Variants in AKAP6 observed in about 807,000 individuals in gnomAD.
The protein encoded by AKAP6 is A-kinase anchoring protein 6, also known as A-kinase anchor protein 6.
AKAP6 carries 58 observed loss-of-function variants against 188.5 expected under a neutral mutation model. The observed-to-expected ratio is 0.31, with a 90% CI of 0.25 to 0.38. AKAP6 has a LOEUF of 0.38. Among genes scored for constraint, AKAP6 ranks in the 10% least tolerant of loss-of-function variants. The pLI is 1.00. For missense variants in AKAP6, 2,710 were observed against 2,740.0 expected, an observed-to-expected ratio of 0.99 and a Z score of 0.24; for synonymous variants, 989 against 998.6, an observed-to-expected ratio of 0.99 and a Z score of 0.18.
intron 7 of AKAP6, among the ~76,000 whole-genome samples, chr14:32,660,181 G>A (rs946185514): frequency 2.0e-5 from 3 of 152,042 alleles, no homozygotes; most frequent in Non-Finnish European, 4.4e-5. Flanking sequence ...ATGTCACACC[G>A]GTTTAACATT....
Position 32,482,207 on chromosome 14 carries a change from G to A in AKAP6, c.324+48390G>A, listed in dbSNP as rs1372081731. Among the ~76,000 whole-genome samples, 9 of 152,270 alleles carry A rather than the reference G, an allele frequency of 5.9e-5. No individual in the cohort carries two copies. The East Asian group carries it at 1.5e-3, about 26-fold the overall frequency. ...AAGACAACCTGTGACATTATCTGGT[G>A]GTGTCCTATCTGAGAATAAAAGCCT... On this transcript the variant is annotated intron_variant, in intron 2 of 13. Coordinates refer to ENST00000280979, the MANE Select transcript of AKAP6 (RefSeq NM_004274.5).
Position 32,835,154 on chromosome 14 carries a change from A to T in AKAP6, c.*5349A>T, listed in dbSNP as rs912735582. ...TAAAACATTTACTATCTGGATCATTACAGAAAGTTTTCTGATCCCTGGTCT... is the reference window on the plus strand; with the variant it reads ...TAAAACATTTACTATCTGGATCATTTCAGAAAGTTTTCTGATCCCTGGTCT... On this transcript the variant is annotated 3_prime_UTR_variant, in exon 14 of 14. Transcript: ENST00000280979. The T allele has an allele frequency of 1.3e-5, 2 of 152,222 alleles. No individual in the cohort carries two copies. Among genetic ancestry groups the T allele is most frequent in the African/African-American group, 2.4e-5 (1 of 41,462 alleles). 9.4% of individuals were successfully genotyped at this position (152,222 alleles called of 1,614,324 possible).
chr14:32,458,553 GAAC>G (rs1891219548), intron 2 of AKAP6, among the ~76,000 whole-genome samples: 1 of 152,070 alleles, frequency 6.6e-6, no homozygotes, highest in African/African-American at 2.4e-5. Flanking sequence ...TGAAGAAAAT[GAAC>G]AACATAAAGA....
rs1482155728 is a variant in AKAP6 at position 32,462,919 on chromosome 14, A to AG, written c.324+29102_324+29103insG. 2.5e-3 allele frequency among the ~76,000 whole-genome samples: 335 copies of AG among 135,008 alleles called. 7 individuals are homozygous for AG. The East Asian group carries it at 0.053, about 21-fold the overall frequency. The allele number at this position is 135,008 out of a possible 152,430, so 88.6% of individuals were successfully genotyped here. ...TGGAAAGCAAAAAAAAAAAAAAAAAAAAAAAAACCCGGGGTTGCAATCCTA... is the reference window on the plus strand; with the variant it reads ...TGGAAAGCAAAAAAAAAAAAAAAAAAGAAAAAAACCCGGGGTTGCAATCCTA... On this transcript the variant is annotated intron_variant, in intron 2 of 13. Transcript: ENST00000280979.
At chr14:32,627,460 T>C (rs1417569712) in intron 7 of AKAP6, among the ~76,000 whole-genome samples, 1 of 152,092 alleles carries the variant, frequency 6.6e-6, no homozygotes, top group Non-Finnish European at 1.5e-5. Flanking sequence ...CTCAGCCCAC[T>C]CTTCATTAAG....
At chr14:32,778,598 A>G (rs2143981) in intron 12 of AKAP6, among the ~76,000 whole-genome samples, 55,462 of 151,940 alleles carry the variant, frequency 0.37, 10,597 homozygotes, top group South Asian at 0.41. Context: ...TCAGGCTACA[A>G]TGCTATGGCA....
At chr14:32,816,477 C>G (rs941589563) in intron 12 of AKAP6, among the ~76,000 whole-genome samples, 2 of 152,102 alleles carry the variant, frequency 1.3e-5, no homozygotes, top group Non-Finnish European at 1.5e-5. Context: ...ATTACAAGCA[C>G]GAGCCACTGT....
At position 32,620,109 on chromosome 14, in the gene AKAP6, A is replaced by G. The variant is rs542724758; in HGVS notation, c.2730+19317A>G. Among the ~76,000 whole-genome samples, 13 of 152,154 alleles carry G rather than the reference A, an allele frequency of 8.5e-5. No homozygotes were observed. In the South Asian group the frequency reaches 2.7e-3, roughly 32 times the overall value. On this transcript the variant is annotated intron_variant, in intron 7 of 13. Transcript: ENST00000280979. ...GATTCTTTATGATCAAAACGTTGGC[A>G]AACTGAGATAGTTTAACTCATATTT... is the stretch of plus-strand genomic sequence containing the variant.
intron 7 of AKAP6, among the ~76,000 whole-genome samples, chr14:32,622,752 C>T (rs978764591): frequency 3.9e-5 from 6 of 151,966 alleles, no homozygotes; most frequent in Non-Finnish European, 8.8e-5. Flanking sequence ...GCTGTGGCCA[C>T]GAGCTGGGCT....
intron 1 of AKAP6, among the ~76,000 whole-genome samples, chr14:32,354,434 C>G (rs1441921667): frequency 6.6e-6 from 1 of 151,330 alleles, no homozygotes; most frequent in African/African-American, 2.4e-5. Flanking sequence ...ACTACCTAAA[C>G]TGGCAGTACT....
chr14:32,475,705 G>A (rs1319168519), intron 2 of AKAP6, among the ~76,000 whole-genome samples: 2 of 141,322 alleles, frequency 1.4e-5, no homozygotes, highest in Admixed American at 7.3e-5. Context: ...TTGAGACGGA[G>A]TCTCGCTGTG....
chr14:32,413,191 T>C lies in AKAP6; in HGVS notation c.-34-20269T>C, dbSNP rs1889547161. 1.3e-5 allele frequency among the ~76,000 whole-genome samples: 2 copies of C among 149,240 alleles called. 1 individual carries two copies. The highest frequency in any genetic ancestry group is 3.0e-5 in the Non-Finnish European group (2 of 67,012). On this transcript the variant is annotated intron_variant, in intron 1 of 13. Coordinates refer to ENST00000280979, the MANE Select transcript of AKAP6 (RefSeq NM_004274.5). ...TTTATTGAAATTTTTTTTTTTTTTT[T>C]TTTTTTTTTAGATGGGGTCTTGCTT...
chr14:32,447,996 T>A (rs778763392), intron 2 of AKAP6, among the ~76,000 whole-genome samples: 1 of 152,246 alleles, frequency 6.6e-6, no homozygotes, highest in Non-Finnish European at 1.5e-5. Flanking sequence ...GACATTTTGA[T>A]TAATGATGCC....
At chr14:32,483,521 T>G (rs756326036) in intron 2 of AKAP6, among the ~76,000 whole-genome samples, 7 of 152,130 alleles carry the variant, frequency 4.6e-5, no homozygotes, top group Non-Finnish European at 1.0e-4. Context: ...TTTCGCTCTT[T>G]TTGCCCAGGC....
rs907988780 is a variant in AKAP6, at chr14:32,545,538, T to G, written c.885T>G (p.Ser295=). The G allele has an allele frequency of 6.2e-7, 1 of 1,614,074 alleles. No individual in the cohort carries two copies. Among genetic ancestry groups the G allele is most frequent in the Non-Finnish European group, 8.5e-7 (1 of 1,180,032 alleles). ...NGSEAVTEEV[S]QVSLSVDDKG... ...GTGAAGCAGTTACTGAGGAGGTATC[T>G]CAAGTATCTCTCTCAGTAGACGACA... The change falls in exon 4 of 14, where the codon TCT becomes TCG. Residue 295 remains serine, a synonymous_variant. Transcript: ENST00000280979.
At chr14:32,808,170 A>G (rs1379691288) in intron 12 of AKAP6, among the ~76,000 whole-genome samples, 1 of 152,182 alleles carries the variant, frequency 6.6e-6, no homozygotes, top group Admixed American at 6.5e-5. Flanking sequence ...AGTTAACAGC[A>G]ATAATTATCC....
At chr14:32,676,146 G>A (rs10133257) in intron 7 of AKAP6, among the ~76,000 whole-genome samples, 39,110 of 152,000 alleles carry the variant, frequency 0.26, 6,523 homozygotes, top group East Asian at 0.58. Context: ...CTTAGTGTGG[G>A]TATAATACTC....
At chr14:32,801,581 A>G (rs920537214) in intron 12 of AKAP6, among the ~76,000 whole-genome samples, 3 of 152,072 alleles carry the variant, frequency 2.0e-5, no homozygotes, top group Admixed American at 2.0e-4. Flanking sequence ...ATTTTACCTT[A>G]TTTATTTCTT....
chr14:32,658,216 G>A (rs763025043), intron 7 of AKAP6, among the ~76,000 whole-genome samples: 4 of 152,052 alleles, frequency 2.6e-5, no homozygotes, highest in Non-Finnish European at 5.9e-5. Flanking sequence ...GACAGTCTAT[G>A]GGGATTTTTC....
Sources: allele counts gnomAD v4.1 joint callset (sites outside exome capture counted in the v4.1 genomes callset), GRCh38; gene constraint gnomAD v4.1.1; transcripts MANE v1.5; gene names NCBI Gene and HGNC (gene_info 2026-07-23, HGNC 2026-07-21).